The following ZNF544 variants were observed in gnomAD, a reference collection of about 807,000 sequenced individuals.
The protein encoded by ZNF544 is zinc finger protein 544, also known as zinc finger protein AF020591.
A neutral mutation model predicts 13.5 loss-of-function variants in ZNF544; 10 were observed. That is an observed-to-expected ratio of 0.74 (90% CI 0.46 to 1.25). The LOEUF (loss-of-function observed/expected upper bound fraction) is 1.25. Ranked by LOEUF, ZNF544 falls within the 50% of genes most tolerant of loss-of-function variation. ZNF544 has a pLI of 0.00. For synonymous variants in ZNF544, 323 were observed against 300.5 expected (o/e 1.07, Z -0.77); for missense variants, 896 against 845.6 (o/e 1.06, Z -0.74).
intron 6 of ZNF544, among the ~76,000 whole-genome samples, chr19:58,253,528 T>G (rs185866877): frequency 2.2e-4 from 33 of 152,372 alleles, no homozygotes; most frequent in Admixed American, 2.2e-3. Context: ...AACCTTCATC[T>G]CCTGGGTTCA....
Position 58,263,103 on chromosome 19 carries a change from G to C in ZNF544, c.*349G>C. 1 of 1,041,090 alleles carries C rather than the reference G, an allele frequency of 9.6e-7. No homozygotes were observed. The highest frequency in any genetic ancestry group is 3.7e-5 in the South Asian group (1 of 27,320). The allele number at this position is 1,041,090 out of a possible 1,614,324, so 64.5% of individuals were successfully genotyped here. A position where few individuals can be genotyped will look rare whatever the true frequency, so the allele number is the denominator to read the frequency against. ...TGTGAATGTTAACAAATGTGGAAAA[G>C]CTTCCAGTTATGATACTTTCCTTAT... On this transcript the variant is annotated 3_prime_UTR_variant, in exon 7 of 7. Coordinates refer to ENST00000687789, the MANE Select transcript of ZNF544 (RefSeq NM_014480.4).
At chr19:58,246,508 T>A in intron 5 of ZNF544, 81 bp downstream of exon 5, 1 of 1,574,186 alleles carries the variant, frequency 6.4e-7, no homozygotes, top group Non-Finnish European at 8.6e-7. Flanking sequence ...TTCTGGGATG[T>A]GCTGGAAGAT....
chr19:58,243,238 C>G (rs888877906), intron 3 of ZNF544, among the ~76,000 whole-genome samples: 1 of 151,980 alleles, frequency 6.6e-6, no homozygotes, highest in Non-Finnish European at 1.5e-5. Flanking sequence ...ATACAGGATG[C>G]GCTTCTGGAA....
Position 58,241,179 on chromosome 19 carries a change from A to ATATTTTT in ZNF544, c.-59-2785_-59-2784insATTTTTT, listed in dbSNP as rs1181835768. Among the ~76,000 whole-genome samples, 43 of 72,768 alleles carry ATATTTTT rather than the reference A, an allele frequency of 5.9e-4. 3 individuals are homozygous for ATATTTTT. The highest frequency in any genetic ancestry group is 2.4e-3 in the African/African-American group (40 of 16,868). The allele number at this position is 72,768 out of a possible 152,430, so 47.7% of individuals were successfully genotyped here. A position where few individuals can be genotyped will look rare whatever the true frequency, so the allele number is the denominator to read the frequency against. ...TATATTTAAATATATATATATATAT[A>ATATTTTT]TTTTTTTTTTTTTGTAGAGATAGGG... On this transcript the variant is annotated intron_variant, in intron 3 of 6. Coordinates refer to ENST00000687789, the MANE Select transcript of ZNF544 (RefSeq NM_014480.4).
Position 58,262,646 on chromosome 19 carries a change from A to C in ZNF544, c.2040A>C (p.Arg680Ser). The C allele has an allele frequency of 1.2e-6, 2 of 1,614,100 alleles. No homozygotes were observed. Among genetic ancestry groups the C allele is most frequent in the East Asian group, 4.5e-5 (2 of 44,868 alleles). The change falls in exon 7 of 7, where the codon AGA becomes AGC. Residue 680 changes from arginine to serine, a missense_variant. Coordinates refer to ENST00000687789, the MANE Select transcript of ZNF544 (RefSeq NM_014480.4). ...GCTCTAACCTTCTTTCCCATCACAG[A>C]ATTCATTCTGGAGAGAAACCCTATG... ...SGSSNLLSHH[R>S]IHSGEKPYEC...
chr19:58,244,400 G>A (rs968698448), intron 4 of ZNF544, among the ~76,000 whole-genome samples: 2 of 151,798 alleles, frequency 1.3e-5, no homozygotes, highest in Admixed American at 6.6e-5. Flanking sequence ...CAATCCTCAC[G>A]GACACCCCTG....
At chr19:58,253,999 C>T (rs765043566) in intron 6 of ZNF544, among the ~76,000 whole-genome samples, 24 of 152,122 alleles carry the variant, frequency 1.6e-4, no homozygotes, top group Admixed American at 2.0e-4. Context: ...CCCAGGCAGG[C>T]GGATCACGAG....
intron 6 of ZNF544, chr19:58,251,292 G>T (rs750810055): frequency 7.7e-6 from 4 of 518,748 alleles, no homozygotes; most frequent in African/African-American, 7.7e-5. Context: ...TTATCTTTTG[G>T]CTGTCTTTTA....
downstream of ZNF544, among the ~76,000 whole-genome samples, chr19:58,266,428 T>C (rs1289483272): frequency 1.5e-5 from 2 of 135,564 alleles, no homozygotes; most frequent in South Asian, 4.4e-4. Flanking sequence ...GGCAGGAGAA[T>C]GGCATGAACC....
downstream of ZNF544, among the ~76,000 whole-genome samples, chr19:58,268,537 A>G (rs2050223086): frequency 6.6e-6 from 1 of 152,222 alleles, no homozygotes; most frequent in Non-Finnish European, 1.5e-5. Flanking sequence ...TCACAGATGG[A>G]ACAATGGCAA....
intron 3 of ZNF544, chr19:58,242,342 A>ATCTT: frequency 3.2e-6 from 3 of 948,512 alleles, no homozygotes; most frequent in Non-Finnish European, 3.8e-6. Context: ...GCACAGAGAA[A>ATCTT]GCAAGATTTC....
At chr19:58,256,336 A>G (rs1568488673) in intron 6 of ZNF544, among the ~76,000 whole-genome samples, 1 of 151,682 alleles carries the variant, frequency 6.6e-6, no homozygotes. Flanking sequence ...AATACGCCAC[A>G]CTTTGAGACG....
At chr19:58,264,261 G>A (rs1399869207), downstream of ZNF544, among the ~76,000 whole-genome samples, 1 of 151,248 alleles carries the variant, frequency 6.6e-6, no homozygotes, top group Non-Finnish European at 1.5e-5. Context: ...AGGTGTGGTG[G>A]TGGTAATCCC....
chr19:58,260,753 C>T lies in ZNF544; in HGVS notation c.245-98C>T, dbSNP rs2048742587. 3.5e-6 allele frequency: 4 copies of T among 1,151,008 alleles called. No individual in the cohort carries two copies. In the South Asian group the frequency reaches 4.9e-5, roughly 14 times the overall value. 71.3% of individuals were successfully genotyped at this position (1,151,008 alleles called of 1,614,324 possible). On this transcript the variant is annotated intron_variant, in intron 6 of 6. Coordinates refer to ENST00000687789, the MANE Select transcript of ZNF544 (RefSeq NM_014480.4). Reference sequence around the variant, plus strand: ...TACAGTTTGTAGTTTGGAAACAAACCAGAGACACTTCCATTAAACAGTTGT... The same window carrying T: ...TACAGTTTGTAGTTTGGAAACAAACTAGAGACACTTCCATTAAACAGTTGT...
chr19:58,252,144 T>G (rs1469194166), intron 6 of ZNF544, among the ~76,000 whole-genome samples: 1 of 152,210 alleles, frequency 6.6e-6, no homozygotes, highest in Non-Finnish European at 1.5e-5. Context: ...GTCTTCCCCT[T>G]TAACTTTAGC....
chr19:58,256,370 G>A (rs773964638), intron 6 of ZNF544, among the ~76,000 whole-genome samples: 6 of 151,964 alleles, frequency 3.9e-5, no homozygotes, highest in East Asian at 3.9e-4. Flanking sequence ...TAATTAAGCC[G>A]GCGGCCAAAG....
Position 58,232,007 on chromosome 19 carries a change from A to AT in ZNF544, c.-60+1559dup, listed in dbSNP as rs532283219. On this transcript the variant is annotated intron_variant, in intron 3 of 6. Coordinates refer to ENST00000687789, the MANE Select transcript of ZNF544 (RefSeq NM_014480.4). ...AGATGTGTGCCGCCACGCCCAGCTA[A>AT]TTTTTTTTTTTTTTAGTATAGACAG... 9.0e-3 allele frequency among the ~76,000 whole-genome samples: 1,301 copies of AT among 144,790 alleles called. 17 individuals are homozygous for AT. The highest frequency in any genetic ancestry group is 0.029 in the African/African-American group (1,132 of 39,686). 95.0% of individuals were successfully genotyped at this position (144,790 alleles called of 152,430 possible). A position where few individuals can be genotyped will look rare whatever the true frequency, so the allele number is the denominator to read the frequency against.
At chr19:58,244,151 G>C in intron 4 of ZNF544, 95 bp downstream of exon 4, 1 of 1,083,576 alleles carries the variant, frequency 9.2e-7, no homozygotes, top group Non-Finnish European at 1.3e-6. Flanking sequence ...TCACACAGGA[G>C]CGCTCCGCAG....
Position 58,261,597 on chromosome 19 carries a change from C to T in ZNF544, c.991C>T (p.Arg331Cys), listed in dbSNP as rs370170869. Residue 331 changes from arginine (R) to cysteine (C), a missense_variant, in exon 7 of 7, where the codon CGC (arginine) becomes TGC (cysteine). Transcript: ENST00000687789. ...AGAGACCCCCTTCAGATGTGAGGAACGCTGTGCTGCCTTCCCCATGGCCTC... is the reference window on the plus strand; with the variant it reads ...AGAGACCCCCTTCAGATGTGAGGAATGCTGTGCTGCCTTCCCCATGGCCTC... ...PGETPFRCEE[R>C]CAAFPMASSF... The T allele has an allele frequency of 5.6e-5, 90 of 1,614,080 alleles. 2 individuals carry two copies. The highest frequency in any genetic ancestry group is 3.4e-4 in the South Asian group (31 of 91,088).
Sources: gnomAD v4.1 joint callset for allele counts (sites outside exome capture counted in the v4.1 genomes callset) on GRCh38, gnomAD v4.1.1 for gene constraint, MANE v1.5 for transcripts, NCBI Gene and HGNC (gene_info 2026-07-23, HGNC 2026-07-21) for gene names.